STK39: variants seen among roughly 807,000 people sequenced by gnomAD.
The protein encoded by STK39 is STE20/SPS1-related proline-alanine-rich protein kinase.
A neutral mutation model predicts 77.8 loss-of-function variants in STK39; 20 were observed. That is an observed-to-expected ratio of 0.26 (90% CI 0.18 to 0.37). The LOEUF is 0.37. Among genes scored for constraint, STK39 ranks in the 10% least tolerant of loss-of-function variants. The probability of loss-of-function intolerance (pLI) is 1.00; values close to 1 mark genes in which losing one functional copy is unlikely to be tolerated. For missense variants in STK39, 479 were observed against 656.5 expected (o/e 0.73, Z 2.95); for synonymous variants, 246 against 234.1 (o/e 1.05, Z -0.47).
At chr2:168,168,027 T>A (rs2105598794) in intron 2 of STK39, among the ~76,000 whole-genome samples, 1 of 152,276 alleles carries the variant, frequency 6.6e-6, no homozygotes, top group Non-Finnish European at 1.5e-5. Flanking sequence ...AAAGATCAGA[T>A]AATATATCTC....
chr2:168,193,957 G>A (rs186857865), intron 1 of STK39, among the ~76,000 whole-genome samples: 22 of 152,336 alleles, frequency 1.4e-4, no homozygotes, highest in Non-Finnish European at 2.5e-4. Context: ...CCCCATGGAA[G>A]GAACTGGAAA....
chr2:168,094,513 G>A (rs1171309445), intron 10 of STK39, among the ~76,000 whole-genome samples: 1 of 152,092 alleles, frequency 6.6e-6, no homozygotes, highest in East Asian at 1.9e-4. Context: ...CATTAATTCT[G>A]ACTGTCCAAC....
chr2:167,972,190 T>C (rs115154830), intron 16 of STK39, among the ~76,000 whole-genome samples: 1,614 of 152,318 alleles, frequency 0.011, 32 homozygotes, highest in African/African-American at 0.037. Flanking sequence ...TTCTTACCAG[T>C]CAGACTCTGG....
chr2:168,041,241 A>G (rs1685097385), intron 14 of STK39, among the ~76,000 whole-genome samples: 1 of 151,274 alleles, frequency 6.6e-6, no homozygotes, highest in South Asian at 2.1e-4. Context: ...CCTAAAGTCC[A>G]ACTCTTGGAG....
intron 10 of STK39, among the ~76,000 whole-genome samples, chr2:168,115,322 A>G (rs6710064): frequency 0.38 from 57,771 of 152,222 alleles, 11,928 homozygotes; most frequent in South Asian, 0.53. Flanking sequence ...TACATAAGTA[A>G]TGTTCTACAG....
intron 1 of STK39, among the ~76,000 whole-genome samples, chr2:168,233,013 T>C (rs1466598443): frequency 2.0e-5 from 3 of 152,192 alleles, no homozygotes; most frequent in Non-Finnish European, 2.9e-5. Flanking sequence ...GAGAGGCTCA[T>C]CATCTCTTGG....
chr2:168,088,411 T>G (rs1686428105), intron 10 of STK39, among the ~76,000 whole-genome samples: 1 of 152,160 alleles, frequency 6.6e-6, no homozygotes, highest in South Asian at 2.1e-4. Context: ...GTCAAGTCTA[T>G]CACCTGCATA....
At chr2:168,086,496 T>A (rs569821759) in intron 10 of STK39, among the ~76,000 whole-genome samples, 1 of 152,326 alleles carries the variant, frequency 6.6e-6, no homozygotes, top group South Asian at 2.1e-4. Context: ...GCTCTACCAG[T>A]TCTGCTAAAA....
intron 1 of STK39, among the ~76,000 whole-genome samples, chr2:168,226,350 C>T (rs937110691): frequency 2.0e-5 from 3 of 152,054 alleles, no homozygotes; most frequent in Non-Finnish European, 4.4e-5. Context: ...TTCCTGTCCC[C>T]CTATTCCCAC....
At chr2:168,242,570 T>A (rs1452006860) in intron 1 of STK39, among the ~76,000 whole-genome samples, 30,789 of 54,834 alleles carry the variant, frequency 0.56, 8,528 homozygotes, top group Non-Finnish European at 0.58. Flanking sequence ...AATATATATA[T>A]ATATATATAT....
intron 17 of STK39, among the ~76,000 whole-genome samples, chr2:167,956,690 A>T (rs1188016615): frequency 3.9e-4 from 18 of 45,908 alleles, no homozygotes; most frequent in Non-Finnish European, 5.5e-4. Context: ...ACACACACAC[A>T]CACACACTCT....
At chr2:168,169,752 A>G (rs1374764094) in intron 2 of STK39, among the ~76,000 whole-genome samples, 1 of 152,104 alleles carries the variant, frequency 6.6e-6, no homozygotes, top group African/African-American at 2.4e-5. Flanking sequence ...CCATCTGGAC[A>G]TTAAAAGGTT....
At chr2:168,046,431 GAGA>G (rs1685243597) in intron 14 of STK39, among the ~76,000 whole-genome samples, 1 of 152,174 alleles carries the variant, frequency 6.6e-6, no homozygotes. Context: ...GCAGAGTGCA[GAGA>G]AGGAGCAGCC....
At chr2:168,196,530 C>T (rs546182561) in intron 1 of STK39, among the ~76,000 whole-genome samples, 14 of 152,250 alleles carry the variant, frequency 9.2e-5, no homozygotes, top group South Asian at 4.2e-4. Flanking sequence ...AGGGCGGATG[C>T]CTGTAATCCC....
chr2:168,178,591 T>A (rs1689009008), intron 2 of STK39, among the ~76,000 whole-genome samples: 1 of 152,172 alleles, frequency 6.6e-6, no homozygotes, highest in Non-Finnish European at 1.5e-5. Flanking sequence ...AATAAATAAA[T>A]GCCTATTTGA....
chr2:168,218,042 T>C (rs1016469727), intron 1 of STK39, among the ~76,000 whole-genome samples: 2 of 152,188 alleles, frequency 1.3e-5, no homozygotes, highest in Admixed American at 1.3e-4. Context: ...ATATGTAGGA[T>C]CATATAAACA....
intron 16 of STK39, among the ~76,000 whole-genome samples, chr2:167,983,579 G>C (rs10199275): frequency 0.52 from 79,094 of 151,728 alleles, 21,347 homozygotes; most frequent in Non-Finnish European, 0.56. Flanking sequence ...AGGAGGGATG[G>C]AGCCTCTCTC....
At chr2:168,150,579 GATTT>G (rs1688253564) in intron 5 of STK39, among the ~76,000 whole-genome samples, 1 of 152,044 alleles carries the variant, frequency 6.6e-6, no homozygotes, top group Non-Finnish European at 1.5e-5. Flanking sequence ...TCTTTGCACA[GATTT>G]ATGTGGCACT....
intron 8 of STK39, among the ~76,000 whole-genome samples, chr2:168,134,185 A>G (rs1687773685): frequency 1.3e-5 from 2 of 152,204 alleles, no homozygotes; most frequent in South Asian, 4.1e-4. Context: ...ATAATGGTCC[A>G]GGCTTTGAAC....
Sources: gnomAD v4.1 joint callset for allele counts (sites outside exome capture counted in the v4.1 genomes callset) on GRCh38, gnomAD v4.1.1 for gene constraint, MANE v1.5 for transcripts, NCBI Gene and HGNC (gene_info 2026-07-23, HGNC 2026-07-21) for gene names.